SNTG1: variants seen among roughly 807,000 people sequenced by gnomAD.
SNTG1 encodes gamma-1-syntrophin.
Under a neutral mutation model 74.7 loss-of-function variants are expected in SNTG1, and 39 were observed. The observed-to-expected ratio is 0.52, with a 90% confidence interval of 0.40 to 0.68. The LOEUF (loss-of-function observed/expected upper bound fraction) is 0.68. SNTG1 is among the 30% of genes least tolerant of loss of function. SNTG1 has a pLI of 0.00. For missense variants in SNTG1, 685 were observed against 609.5 expected (o/e 1.12, Z -1.30); for synonymous variants, 254 against 217.1 (o/e 1.17, Z -1.49).
intron 5 of SNTG1, among the ~76,000 whole-genome samples, chr8:50,442,746 A>G (rs1331747301): frequency 2.0e-5 from 3 of 151,964 alleles, no homozygotes; most frequent in African/African-American, 7.3e-5. Context: ...AATTTCAACA[A>G]AAAGCCCTAT....
chr8:50,578,152 A>G (rs1428489543), intron 12 of SNTG1, among the ~76,000 whole-genome samples: 1 of 152,226 alleles, frequency 6.6e-6, no homozygotes, highest in Non-Finnish European at 1.5e-5. Flanking sequence ...ATTACACTGC[A>G]TTTAGTAAAC....
intron 9 of SNTG1, among the ~76,000 whole-genome samples, chr8:50,522,638 G>C (rs968806577): frequency 7.3e-6 from 1 of 137,130 alleles, no homozygotes; most frequent in African/African-American, 2.7e-5. Flanking sequence ...GAGTGCAGAG[G>C]TGTGATCTAC....
At chr8:50,256,636 AAT>A (rs1204776669) in intron 2 of SNTG1, among the ~76,000 whole-genome samples, 1 of 152,112 alleles carries the variant, frequency 6.6e-6, no homozygotes, top group Non-Finnish European at 1.5e-5. Flanking sequence ...ATGTTTAATA[AAT>A]ATTTTGTAAG....
chr8:50,052,086 A>C lies in SNTG1; in HGVS notation c.-102-120475A>C, dbSNP rs149799731. Reference sequence around the variant, plus strand: ...AAAATTCATATGCAAGAGACCTAGAATAATTGAAACAATTCCAAAAAGATA... The same window carrying C: ...AAAATTCATATGCAAGAGACCTAGACTAATTGAAACAATTCCAAAAAGATA... On this transcript the variant is annotated intron_variant, in intron 1 of 18. Coordinates refer to ENST00000642720, the MANE Select transcript of SNTG1 (RefSeq NM_018967.5). 3.1e-3 allele frequency among the ~76,000 whole-genome samples: 466 copies of C among 152,226 alleles called. 1 individual carries two copies. Among genetic ancestry groups the C allele is most frequent in the Non-Finnish European group, 5.0e-3 (342 of 67,984 alleles).
chr8:50,537,851 C>A (rs2094318779), intron 11 of SNTG1, among the ~76,000 whole-genome samples: 1 of 152,094 alleles, frequency 6.6e-6, no homozygotes, highest in Non-Finnish European at 1.5e-5. Flanking sequence ...ATGAGCACAC[C>A]TTTGTTCCAA....
intron 1 of SNTG1, among the ~76,000 whole-genome samples, chr8:50,158,176 G>T (rs925130808): frequency 3.3e-5 from 5 of 152,034 alleles, no homozygotes; most frequent in Admixed American, 6.6e-5. Context: ...CCCATTATCA[G>T]GTTCAGATTA....
At chr8:50,460,611 G>A (rs2093552122) in intron 8 of SNTG1, among the ~76,000 whole-genome samples, 1 of 152,172 alleles carries the variant, frequency 6.6e-6, no homozygotes, top group Non-Finnish European at 1.5e-5. Flanking sequence ...GATACTTACA[G>A]TTCGATGTCA....
chr8:50,319,477 T>C (rs1031111566), intron 2 of SNTG1, among the ~76,000 whole-genome samples: 8 of 152,242 alleles, frequency 5.3e-5, no homozygotes, highest in Non-Finnish European at 1.0e-4. Flanking sequence ...GGGAAGTCTT[T>C]AGGTTGTTCC....
At chr8:50,148,486 C>G (rs528403640) in intron 1 of SNTG1, among the ~76,000 whole-genome samples, 1 of 152,230 alleles carries the variant, frequency 6.6e-6, no homozygotes, top group Non-Finnish European at 1.5e-5. Context: ...TATACATATG[C>G]CATGTTGGTG....
intron 17 of SNTG1, among the ~76,000 whole-genome samples, chr8:50,722,962 T>C (rs1424921915): frequency 1.3e-5 from 2 of 152,222 alleles, no homozygotes; most frequent in Non-Finnish European, 2.9e-5. Context: ...TGTAAATGTA[T>C]TACATATTCT....
chr8:50,438,433 T>G (rs2093326812), intron 4 of SNTG1, 110 bp from the exon 5 acceptor site: 1 of 816,844 alleles, frequency 1.2e-6, no homozygotes, highest in Non-Finnish European at 2.0e-6. Context: ...TTCTCTTTTG[T>G]TTTAAAGAGC....
intron 2 of SNTG1, among the ~76,000 whole-genome samples, chr8:50,221,188 T>C (rs1369661538): frequency 1.3e-5 from 2 of 152,120 alleles, no homozygotes; most frequent in South Asian, 2.1e-4. Flanking sequence ...GGAAGACATA[T>C]AAATGTACAC....
At chr8:50,525,029 GA>G (rs1347492573) in intron 9 of SNTG1, among the ~76,000 whole-genome samples, 1 of 151,990 alleles carries the variant, frequency 6.6e-6, no homozygotes, top group Non-Finnish European at 1.5e-5. Context: ...TCAATTTGAA[GA>G]ATTGTCTTTA....
intron 2 of SNTG1, among the ~76,000 whole-genome samples, chr8:50,282,613 A>T (rs1473116077): frequency 6.6e-6 from 1 of 152,082 alleles, no homozygotes; most frequent in Admixed American, 6.6e-5. Flanking sequence ...AATACAAAAA[A>T]AAATTAGTCA....
At chr8:50,606,715 T>G (rs1382310959) in intron 13 of SNTG1, among the ~76,000 whole-genome samples, 1 of 151,996 alleles carries the variant, frequency 6.6e-6, no homozygotes, top group African/African-American at 2.4e-5. Flanking sequence ...TTTTCATAAA[T>G]GTTCTTTAGC....
At chr8:50,402,466 A>G in intron 4 of SNTG1, 122 bp downstream of exon 4, 1 of 1,212,184 alleles carries the variant, frequency 8.2e-7, no homozygotes, top group East Asian at 2.4e-5. Context: ...TCTGCATGGA[A>G]TTTTTGCTTA....
At chr8:50,237,148 T>C (rs2085946869) in intron 2 of SNTG1, among the ~76,000 whole-genome samples, 1 of 152,198 alleles carries the variant, frequency 6.6e-6, no homozygotes, top group Non-Finnish European at 1.5e-5. Flanking sequence ...CCTTTTTTTT[T>C]CTTGCAGTTC....
At chr8:49,968,031 T>C (rs1811309302) in intron 1 of SNTG1, among the ~76,000 whole-genome samples, 1 of 152,214 alleles carries the variant, frequency 6.6e-6, no homozygotes, top group Non-Finnish European at 1.5e-5. Flanking sequence ...CCTATTCATC[T>C]TCCAAGTCCA....
chr8:50,590,833 AC>A (rs2094686760), intron 12 of SNTG1, 45 bp from the exon 13 acceptor site: 1 of 1,287,746 alleles, frequency 7.8e-7, no homozygotes, highest in East Asian at 2.6e-5. Flanking sequence ...ACCTTGTGTT[AC>A]CATCTATTGT....
Sources: gnomAD v4.1 joint callset for allele counts (sites outside exome capture counted in the v4.1 genomes callset) on GRCh38, gnomAD v4.1.1 for gene constraint, MANE v1.5 for transcripts, NCBI Gene and HGNC (gene_info 2026-07-23, HGNC 2026-07-21) for gene names.